Variants in LDB3 observed in about 807,000 individuals in gnomAD.
The protein encoded by LDB3 is LIM domain-binding protein 3.
Under a neutral mutation model 69.0 loss-of-function variants are expected in LDB3, and 49 were observed. The observed-to-expected ratio is 0.71, with a 90% CI of 0.56 to 0.90. The LOEUF (loss-of-function observed/expected upper bound fraction) is 0.90, where lower values mean the gene tolerates loss of function less well. LDB3 is among the 40% of genes least tolerant of loss of function. LDB3 has a pLI of 0.00. For missense variants in LDB3, 928 were observed against 974.1 expected, an observed-to-expected ratio of 0.95 and a Z score of 0.63; for synonymous variants, 387 against 396.2, an observed-to-expected ratio of 0.98 and a Z score of 0.28.
intron 9 of LDB3, among the ~76,000 whole-genome samples, chr10:86,714,553 C>CTTTTT (rs11306108): frequency 8.1e-6 from 1 of 124,190 alleles, no homozygotes; most frequent in Non-Finnish European, 1.7e-5. Flanking sequence ...AAGGTATTAT[C>CTTTTT]TTTTTTTTTT....
chr10:86,668,360 C>T (rs1333007677), upstream of LDB3: 6 of 410,178 alleles, frequency 1.5e-5, no homozygotes, highest in Admixed American at 7.1e-5. Flanking sequence ...TGCTGGGTGC[C>T]GGACACCCCT....
chr10:86,703,398 G>A (rs1382340313), intron 7 of LDB3, among the ~76,000 whole-genome samples: 1 of 152,202 alleles, frequency 6.6e-6, no homozygotes, highest in East Asian at 1.9e-4. Flanking sequence ...TCTTTCATAG[G>A]TGGGTTCGTG....
At chr10:86,681,333 CT>C in intron 4 of LDB3, 102 bp from the exon 5 acceptor site, 1 of 1,542,608 alleles carries the variant, frequency 6.5e-7, no homozygotes, top group Admixed American at 1.7e-5. Context: ...GGCTGCGGGG[CT>C]CGCGCTAACA....
rs113616598 is a variant in LDB3 at position 86,687,000 on chromosome 10, C to G, written c.690-4896C>G. The G allele has an allele frequency of 8.9e-4, 1,321 of 1,477,192 alleles. 10 individuals are homozygous for G. In the African/African-American group the frequency reaches 0.016, roughly 18 times the overall value. The allele number at this position is 1,477,192 out of a possible 1,614,324, so 91.5% of individuals were successfully genotyped here. A position where few individuals can be genotyped will look rare whatever the true frequency, so the allele number is the denominator to read the frequency against. ...GCGCCCAGCCCTTGCCTTGGCCACC[C>G]ATGTAACCGCCACCTGTTGCCCTTT... On this transcript the variant is annotated intron_variant, in intron 5 of 13. Coordinates refer to ENST00000361373, the MANE Select transcript of LDB3 (RefSeq NM_007078.3).
intron 5 of LDB3, among the ~76,000 whole-genome samples, chr10:86,690,341 C>A (rs1845697005): frequency 6.6e-6 from 1 of 152,224 alleles, no homozygotes; most frequent in African/African-American, 2.4e-5. Flanking sequence ...CCTCCCTATG[C>A]CAGAAATGGC....
At chr10:86,712,777 C>A (rs551914264) in intron 9 of LDB3, among the ~76,000 whole-genome samples, 10 of 152,300 alleles carry the variant, frequency 6.6e-5, no homozygotes, top group African/African-American at 1.9e-4. Context: ...TTTAAGATAT[C>A]AGGCCGGACG....
chr10:86,666,991 G>A (rs1564624839), upstream of LDB3: 1 of 389,230 alleles, frequency 2.6e-6, no homozygotes, highest in East Asian at 7.3e-5. Flanking sequence ...AGTTAGGGAT[G>A]AATGACATGG....
chr10:86,726,651 T>C (rs1014343772), intron 13 of LDB3, among the ~76,000 whole-genome samples: 1 of 152,116 alleles, frequency 6.6e-6, no homozygotes, highest in Admixed American at 6.6e-5. Context: ...CCCCTCCAAA[T>C]TGTTACCCCA....
intron 3 of LDB3, 102 bp downstream of exon 3, chr10:86,679,620 C>T (rs904886990): frequency 6.8e-6 from 9 of 1,329,280 alleles, no homozygotes; most frequent in Non-Finnish European, 9.6e-6. Context: ...GGGCCCCGCC[C>T]TGGGCTACAA....
intron 9 of LDB3, among the ~76,000 whole-genome samples, chr10:86,711,146 A>C (rs1343627704): frequency 6.6e-6 from 1 of 152,130 alleles, no homozygotes; most frequent in East Asian, 1.9e-4. Flanking sequence ...GTTGGAGGAG[A>C]AGCGGCGGGT....
At position 86,676,564 on chromosome 10, in the gene LDB3, CAAAA is replaced by C. The variant is rs71487272; in HGVS notation, c.94-2791_94-2788del. Among the ~76,000 whole-genome samples, 837 of 109,754 alleles carry C rather than the reference CAAAA, an allele frequency of 7.6e-3. 13 individuals carry two copies. Among genetic ancestry groups the C allele is most frequent in the African/African-American group, 0.026 (788 of 29,998 alleles). 72.0% of individuals were successfully genotyped at this position (109,754 alleles called of 152,430 possible). On this transcript the variant is annotated intron_variant, in intron 2 of 13. Transcript: ENST00000361373. ...TGGGCATCAGAGCAAGACCCTGTCTCAAAAAAAAAAAAAAAGAGAAAGAAAAAAA... is the reference window on the plus strand; with the variant it reads ...TGGGCATCAGAGCAAGACCCTGTCTCAAAAAAAAAAAGAGAAAGAAAAAAA...
chr10:86,716,388 C>T lies in LDB3; in HGVS notation c.1293C>T (p.Pro431=), dbSNP rs746580058. Residue 431 remains proline (P), a synonymous_variant, in exon 10 of 14, where the codon CCC becomes CCT. Transcript: ENST00000361373. ...GANYSPTPYT[P]SPAPAYTPSP... is the part of the protein sequence containing the mutation. ...ATTACAGTCCCACTCCCTACACCCC[C>T]TCCCCTGCCCCTGCCTACACCCCCT... 3 of 1,599,232 alleles carry T rather than the reference C, an allele frequency of 1.9e-6. No homozygotes were observed. Among genetic ancestry groups the T allele is most frequent in the Admixed American group, 3.4e-5 (2 of 58,782 alleles).
chr10:86,681,659 GC>G lies in LDB3; in HGVS notation c.548del (p.Pro183GlnfsTer25), dbSNP rs1285270306. The G allele has an allele frequency of 2.5e-6, 4 of 1,613,144 alleles. No individual in the cohort carries two copies. The highest frequency in any genetic ancestry group is 2.5e-6 in the Non-Finnish European group (3 of 1,179,874). ...TSPEGARDLL[G>X]PKALPGSSQP... ...CCAGAGGGGGCCCGGGACCTACTCG[GC>G]CCAAAAGCCCTGCCGGGCTCGAGCC... On this transcript the variant is annotated frameshift_variant, in exon 5 of 14. Transcript: ENST00000361373. LOFTEE classifies it high-confidence loss of function.
intron 2 of LDB3, among the ~76,000 whole-genome samples, chr10:86,672,366 G>A (rs1369676303): frequency 1.3e-5 from 2 of 152,198 alleles, no homozygotes; most frequent in East Asian, 1.9e-4. Flanking sequence ...TGTGGGTTTC[G>A]GTTCCAGTAT....
In LDB3 at chr10:86,699,846, C is replaced by T; in HGVS notation, c.897-6685C>T. The T allele has an allele frequency of 9.8e-7, 1 of 1,024,936 alleles. No homozygotes were observed. The highest frequency in any genetic ancestry group is 1.2e-6 in the Non-Finnish European group (1 of 853,650). 63.5% of individuals were successfully genotyped at this position (1,024,936 alleles called of 1,614,324 possible). On this transcript the variant is annotated intron_variant, in intron 7 of 13. Coordinates refer to ENST00000361373, the MANE Select transcript of LDB3 (RefSeq NM_007078.3). This position sits in a 1 kb window ranked among gnomAD's most constrained non-coding sequence, Gnocchi z 4.9. Reference sequence around the variant, plus strand: ...GGCGCTGCCCGGCTCCCTCGCTGCCCTCTGGAGCTCAGGGCAGCCCGGAAT... The same window carrying T: ...GGCGCTGCCCGGCTCCCTCGCTGCCTTCTGGAGCTCAGGGCAGCCCGGAAT...
chr10:86,731,972 AT>A (rs199638925), intron 13 of LDB3, among the ~76,000 whole-genome samples: 3 of 133,936 alleles, frequency 2.2e-5, no homozygotes, highest in Non-Finnish European at 4.9e-5. Flanking sequence ...TTTTCTTGTA[AT>A]TTTTTTAACT....
At position 86,681,690 on chromosome 10, in the gene LDB3, G is replaced by A. The variant is rs45543741; in HGVS notation, c.576G>A (p.Pro192=). ...GPKALPGSSQ[P]RQYNNPIGLY... is the part of the protein sequence containing the mutation. ...AAGCCCTGCCGGGCTCGAGCCAGCCGAGGCAATATAACAACCCCATTGGCC... is the reference window on the plus strand; with the variant it reads ...AAGCCCTGCCGGGCTCGAGCCAGCCAAGGCAATATAACAACCCCATTGGCC... Residue 192 remains proline, a synonymous_variant, in exon 5 of 14, where the codon CCG becomes CCA. Transcript: ENST00000361373. 4.2e-4 allele frequency: 683 copies of A among 1,613,638 alleles called. 4 individuals carry two copies. In the African/African-American group the frequency reaches 7.2e-3, roughly 17 times the overall value.
At chr10:86,701,313 G>A (rs2132446945) in intron 7 of LDB3, among the ~76,000 whole-genome samples, 1 of 152,324 alleles carries the variant, frequency 6.6e-6, no homozygotes, top group South Asian at 2.1e-4. Context: ...TCCTGAGGCT[G>A]GCAAAGCCTC....
intron 2 of LDB3, among the ~76,000 whole-genome samples, chr10:86,675,046 C>G (rs1844713174): frequency 1.3e-5 from 2 of 152,196 alleles, no homozygotes; most frequent in African/African-American, 4.8e-5. Flanking sequence ...AAAGGCCAGG[C>G]CAGCTGAGCC....
Sources: gnomAD v4.1 joint callset for allele counts (sites outside exome capture counted in the v4.1 genomes callset) on GRCh38, gnomAD v4.1.1 for gene constraint, Gnocchi (gnomAD v3.1) non-coding constraint, MANE v1.5 for transcripts, NCBI Gene and HGNC (gene_info 2026-07-23, HGNC 2026-07-21) for gene names.